The following EYA4 variants were observed in gnomAD, a reference collection of about 807,000 sequenced individuals.
EYA4 encodes protein phosphatase EYA4.
Under a neutral mutation model 87.9 loss-of-function variants are expected in EYA4, and 31 were observed. That is an observed-to-expected ratio of 0.35 (90% CI 0.27 to 0.48). The LOEUF (loss-of-function observed/expected upper bound fraction) is 0.48. Among genes scored for constraint, EYA4 ranks in the 20% least tolerant of loss-of-function variants. The probability of loss-of-function intolerance (pLI) is 0.99; values close to 1 mark genes in which losing one functional copy is unlikely to be tolerated. For synonymous variants in EYA4, 263 were observed against 270.6 expected (o/e 0.97, Z 0.28); for missense variants, 678 against 761.4 (o/e 0.89, Z 1.29).
chr6:133,385,391 C>CTGTGTGTG lies in EYA4; in HGVS notation c.83+2993_83+3000dup, dbSNP rs66881281. On this transcript the variant is annotated intron_variant, in intron 3 of 19. Coordinates refer to ENST00000355286, the MANE Select transcript of EYA4 (RefSeq NM_004100.5). ...CTCTGTGTGTGTATGTATGCTCTCT[C>CTGTGTGTG]TGTGTGTGTGTGTGTGTGTGTGTGT... 1.1e-3 allele frequency among the ~76,000 whole-genome samples: 126 copies of CTGTGTGTG among 115,322 alleles called. 1 individual carries two copies. The South Asian group carries it at 0.012, about 11-fold the overall frequency. 75.7% of individuals were successfully genotyped at this position (115,322 alleles called of 152,430 possible). A position where few individuals can be genotyped will look rare whatever the true frequency, so the allele number is the denominator to read the frequency against.
At chr6:133,302,147 G>A (rs1471867411) in intron 2 of EYA4, among the ~76,000 whole-genome samples, 1 of 152,180 alleles carries the variant, frequency 6.6e-6, no homozygotes, top group African/African-American at 2.4e-5. Context: ...GTTACGCAGT[G>A]TGAACACTGG....
At chr6:133,484,756 TAAAC>T (rs1478560331) in intron 13 of EYA4, among the ~76,000 whole-genome samples, 4 of 152,216 alleles carry the variant, frequency 2.6e-5, no homozygotes, top group African/African-American at 9.6e-5. Flanking sequence ...GTGTTTAAAA[TAAAC>T]AATCTAATAA....
intron 2 of EYA4, among the ~76,000 whole-genome samples, chr6:133,284,190 C>T (rs1394698158): frequency 6.6e-6 from 1 of 152,124 alleles, no homozygotes; most frequent in Admixed American, 6.5e-5. Context: ...TTAAATTATT[C>T]CACCGTGATT....
intron 18 of EYA4, among the ~76,000 whole-genome samples, chr6:133,524,213 T>C (rs1215762115): frequency 6.6e-6 from 1 of 152,216 alleles, no homozygotes; most frequent in African/African-American, 2.4e-5. Flanking sequence ...ATGAATCAAA[T>C]AATTTTACAG....
intron 5 of EYA4, among the ~76,000 whole-genome samples, chr6:133,454,958 T>C (rs1357091352): frequency 1.3e-5 from 2 of 152,108 alleles, no homozygotes; most frequent in Non-Finnish European, 2.9e-5. Context: ...AAATCTTAGC[T>C]CTACCGTCTC....
chr6:133,338,508 G>T (rs192891387), intron 2 of EYA4, among the ~76,000 whole-genome samples: 5 of 152,052 alleles, frequency 3.3e-5, no homozygotes, highest in African/African-American at 1.2e-4. Context: ...CTTATTTATA[G>T]TGATAACAAT....
intron 2 of EYA4, among the ~76,000 whole-genome samples, chr6:133,318,619 C>A: frequency 9.3e-6 from 1 of 107,998 alleles, no homozygotes; most frequent in East Asian, 2.4e-4. Flanking sequence ...TTAAGCCATT[C>A]TTTTTTTTTT....
intron 1 of EYA4, among the ~76,000 whole-genome samples, chr6:133,249,617 A>C (rs1774720462): frequency 1.3e-5 from 2 of 152,224 alleles, no homozygotes; most frequent in Admixed American, 1.3e-4. Context: ...GGAAAACTGC[A>C]GTTCTCAAAT....
rs773904240 is a variant in EYA4, at chr6:133,528,820, C to T, written c.*15C>T. On this transcript the variant is annotated 3_prime_UTR_variant, in exon 20 of 20. Coordinates refer to ENST00000355286, the MANE Select transcript of EYA4 (RefSeq NM_004100.5). ...AGTATTTGTAACTGTGTTCTTTAGC[C>T]GGAGATCCATTTTTTATATTTCAAG... 126 of 1,612,888 alleles carry T rather than the reference C, an allele frequency of 7.8e-5. 1 individual carries two copies. The highest frequency in any genetic ancestry group is 1.0e-4 in the Non-Finnish European group (122 of 1,179,198).
intron 11 of EYA4, among the ~76,000 whole-genome samples, chr6:133,474,717 C>T (rs147355717): frequency 1.5e-4 from 23 of 152,160 alleles, no homozygotes; most frequent in African/African-American, 2.9e-4. Flanking sequence ...ATCTGGCATA[C>T]GGCCAAAAAG....
At chr6:133,513,391 T>G (rs6929938) in intron 16 of EYA4, among the ~76,000 whole-genome samples, 1 of 152,016 alleles carries the variant, frequency 6.6e-6, no homozygotes, top group East Asian at 1.9e-4. Flanking sequence ...CTTTCTCAAG[T>G]AGAGAGCCTC....
In EYA4 at chr6:133,529,352, A is replaced by G. The variant is rs1800868577; in HGVS notation, c.*547A>G. On this transcript the variant is annotated 3_prime_UTR_variant, in exon 20 of 20. Coordinates refer to ENST00000355286, the MANE Select transcript of EYA4 (RefSeq NM_004100.5). ...AGCAGCTGACTTTCAAAGTGGATGC[A>G]ATTTTTCTTTCTTTTGTTGGGGAGG... 1 of 994,180 alleles carries G rather than the reference A, an allele frequency of 1.0e-6. No homozygotes were observed. The highest frequency in any genetic ancestry group is 1.7e-5 in the African/African-American group (1 of 57,248). The allele number at this position is 994,180 out of a possible 1,614,324, so 61.6% of individuals were successfully genotyped here.
At chr6:133,512,005 G>A (rs1799193633) in intron 14 of EYA4, among the ~76,000 whole-genome samples, 1 of 151,518 alleles carries the variant, frequency 6.6e-6, no homozygotes, top group South Asian at 2.1e-4. Flanking sequence ...CAGGTCAATT[G>A]TGTGGGTATA....
intron 2 of EYA4, among the ~76,000 whole-genome samples, chr6:133,287,310 T>C (rs1323967803): frequency 2.0e-5 from 3 of 152,234 alleles, no homozygotes; most frequent in African/African-American, 4.8e-5. Context: ...AAAGGAATTA[T>C]AGATAGACTA....
At chr6:133,355,124 G>C (rs1783916057) in intron 2 of EYA4, among the ~76,000 whole-genome samples, 1 of 152,078 alleles carries the variant, frequency 6.6e-6, no homozygotes, top group African/African-American at 2.4e-5. Context: ...GGGTACAAGT[G>C]CAGGGTTTGT....
At chr6:133,355,246 C>G (rs756575129) in intron 2 of EYA4, among the ~76,000 whole-genome samples, 2 of 152,118 alleles carry the variant, frequency 1.3e-5, no homozygotes, top group African/African-American at 4.8e-5. Context: ...TCCTGCCACC[C>G]TCCACCCTTC....
chr6:133,373,535 C>T (rs536557467), intron 2 of EYA4, among the ~76,000 whole-genome samples: 1 of 152,102 alleles, frequency 6.6e-6, no homozygotes, highest in African/African-American at 2.4e-5. Context: ...CACTGCGAAG[C>T]TGCACAGTAG....
rs750268684 is a variant in EYA4 at position 133,274,779 on chromosome 6, A to G, written c.-2A>G. 9 of 1,613,488 alleles carry G rather than the reference A, an allele frequency of 5.6e-6. No individual in the cohort carries two copies. The Admixed American group carries it at 1.3e-4, about 24-fold the overall frequency. ...GAGTGGCAGGAGAAGTGAGAAAACC[A>G]CATGGAAGACTCCCAGGATTTAAAT... On this transcript the variant is annotated 5_prime_UTR_variant, in exon 2 of 20. Coordinates refer to ENST00000355286, the MANE Select transcript of EYA4 (RefSeq NM_004100.5).
intron 5 of EYA4, chr6:133,453,563 G>A (rs1176648985): frequency 6.6e-6 from 1 of 151,878 alleles, no homozygotes; most frequent in Non-Finnish European, 1.5e-5. Context: ...TAATATTACT[G>A]CTTTTTATTT....
Sources: allele counts gnomAD v4.1 joint callset (sites outside exome capture counted in the v4.1 genomes callset), GRCh38; gene constraint gnomAD v4.1.1; transcripts MANE v1.5; gene names NCBI Gene and HGNC (gene_info 2026-07-23, HGNC 2026-07-21).